Variants in PIWIL2 observed in about 807,000 individuals in gnomAD.
PIWIL2 encodes piwi-like protein 2.
PIWIL2 carries 81 observed loss-of-function variants against 116.5 expected under a neutral mutation model. The observed-to-expected ratio is 0.70, with a 90% CI of 0.58 to 0.84. The LOEUF is 0.84. PIWIL2 is among the 40% of genes least tolerant of loss of function. The pLI is 0.00. For missense variants in PIWIL2, 1,272 were observed against 1,212.3 expected, an observed-to-expected ratio of 1.05 and a Z score of -0.73; for synonymous variants, 489 against 429.5, an observed-to-expected ratio of 1.14 and a Z score of -1.71.
chr8:22,349,415 G>GTATATATATATATATATATATA (rs540224852), intron 20 of PIWIL2, among the ~76,000 whole-genome samples: 4 of 134,934 alleles, frequency 3.0e-5, no homozygotes, highest in African/African-American at 8.1e-5. Flanking sequence ...ATATATGTGT[G>GTATATATATATATATATATATA]TGTGTATATA....
intron 20 of PIWIL2, among the ~76,000 whole-genome samples, chr8:22,351,448 T>TATATAC (rs1367394387): frequency 2.0e-5 from 1 of 51,074 alleles, no homozygotes; most frequent in Non-Finnish European, 3.7e-5. Context: ...TACATATATA[T>TATATAC]ATATATATAT....
Position 22,279,366 on chromosome 8 carries a change from C to CGT in PIWIL2, c.-18_-17dup, listed in dbSNP as rs1563340550. The CGT allele has an allele frequency of 1.3e-6, 2 of 1,597,018 alleles. No individual in the cohort carries two copies. Among genetic ancestry groups the CGT allele is most frequent in the South Asian group, 2.2e-5 (2 of 90,740 alleles). On this transcript the variant is annotated 5_prime_UTR_variant, in exon 2 of 23. Transcript: ENST00000356766. The stretch of plus-strand genomic sequence containing the variant: ...GTAATTAACCAGAACAGGATCGACA[C>CGT]GTGTTCTCTACAGCCCGTCCATGGA...
chr8:22,296,323 G>A (rs984256289), intron 10 of PIWIL2, among the ~76,000 whole-genome samples: 6 of 152,004 alleles, frequency 3.9e-5, no homozygotes, highest in Non-Finnish European at 7.4e-5. Flanking sequence ...GGGATTACAG[G>A]CATGAGCCAC....
At chr8:22,280,520 T>G (rs1173808947) in intron 2 of PIWIL2, among the ~76,000 whole-genome samples, 2 of 152,248 alleles carry the variant, frequency 1.3e-5, no homozygotes, top group Non-Finnish European at 2.9e-5. Context: ...GTATTATTTT[T>G]ATAAGGAGAA....
intron 20 of PIWIL2, among the ~76,000 whole-genome samples, chr8:22,338,546 G>C (rs1832032987): frequency 6.6e-6 from 1 of 152,082 alleles, no homozygotes; most frequent in African/African-American, 2.4e-5. Context: ...CAAAAGAACA[G>C]CTGGGTGTGG....
In PIWIL2 at chr8:22,279,413, G is replaced by A; in HGVS notation, c.27G>A (p.Arg9=). ...TGGATCCTTTCCGACCATCGTTCAGGGGCCAGTCTCCTATCCACCCATCCC... is the reference window on the plus strand; with the variant it reads ...TGGATCCTTTCCGACCATCGTTCAGAGGCCAGTCTCCTATCCACCCATCCC... MDPFRPSF[R]GQSPIHPSQC... The change falls in exon 2 of 23, where the codon AGG becomes AGA. Residue 9 remains arginine (R), a synonymous_variant. Transcript: ENST00000356766. 6.2e-7 allele frequency: 1 copy of A among 1,614,132 alleles called. No homozygotes were observed. Among genetic ancestry groups the A allele is most frequent in the South Asian group, 1.1e-5 (1 of 91,082 alleles).
chr8:22,307,473 A>AATT (rs1563379262), intron 13 of PIWIL2, among the ~76,000 whole-genome samples: 2 of 111,258 alleles, frequency 1.8e-5, no homozygotes. Flanking sequence ...TTTATTATTC[A>AATT]TTTTTTTTTT....
Position 22,355,656 on chromosome 8 carries a change from T to A in PIWIL2, c.*151T>A. On this transcript the variant is annotated 3_prime_UTR_variant, in exon 23 of 23. Coordinates refer to ENST00000356766, the MANE Select transcript of PIWIL2 (RefSeq NM_018068.5). Reference sequence around the variant, plus strand: ...AGAATAAGATTTCTTTCTTGTCTTTTAAACCTAATATCACCAAGAAGCAAG... The same window carrying A: ...AGAATAAGATTTCTTTCTTGTCTTTAAAACCTAATATCACCAAGAAGCAAG... The A allele has an allele frequency of 1.4e-6, 1 of 702,500 alleles. No homozygotes were observed. Among genetic ancestry groups the A allele is most frequent in the Non-Finnish European group, 2.3e-6 (1 of 431,030 alleles). The allele number at this position is 702,500 out of a possible 1,614,324, so 43.5% of individuals were successfully genotyped here.
At chr8:22,304,906 T>G (rs1284262554) in intron 12 of PIWIL2, 38 bp downstream of exon 12, 7 of 1,349,742 alleles carry the variant, frequency 5.2e-6, no homozygotes, top group Non-Finnish European at 7.5e-6. Flanking sequence ...CCAGCTTAAG[T>G]TCTTCATCCT....
intron 1 of PIWIL2, among the ~76,000 whole-genome samples, chr8:22,276,221 T>TC (rs1830364733): frequency 6.6e-6 from 1 of 152,242 alleles, no homozygotes; most frequent in Non-Finnish European, 1.5e-5. Context: ...TCCTGAACTG[T>TC]CTGCACTTAC....
At chr8:22,279,145 A>G (rs545940943) in intron 1 of PIWIL2, among the ~76,000 whole-genome samples, 196 bp from the exon 2 acceptor site, 9 of 152,090 alleles carry the variant, frequency 5.9e-5, no homozygotes, top group African/African-American at 2.2e-4. Flanking sequence ...AAGGTTGGGG[A>G]CCACTGCTCT....
rs377177824 is a variant in PIWIL2, at chr8:22,288,632, C to T, written c.952C>T (p.Leu318=). The T allele has an allele frequency of 9.9e-6, 16 of 1,612,996 alleles. No individual in the cohort carries two copies. The highest frequency in any genetic ancestry group is 1.3e-5 in the Non-Finnish European group (15 of 1,179,342). The change falls in exon 8 of 23, where the codon CTG becomes TTG. Residue 318 remains leucine (L), a synonymous_variant. Transcript: ENST00000356766. The part of the protein sequence containing the change: ...MTKILEPCSD[L]CIPFYNVVFR... ...AAAGATCCTGGAGCCCTGCTCTGAC[C>T]TGTGCATTCCCTTCTACAATGTTGT...
intron 10 of PIWIL2, among the ~76,000 whole-genome samples, chr8:22,293,798 A>T (rs1247643162): frequency 6.6e-6 from 1 of 152,162 alleles, no homozygotes; most frequent in Non-Finnish European, 1.5e-5. Context: ...AGTTTGAGCT[A>T]TTGGTCCAAA....
Position 22,291,960 on chromosome 8 carries a change from C to T in PIWIL2, c.1181+1614C>T, listed in dbSNP as rs185623779. On this transcript the variant is annotated intron_variant, in intron 10 of 22. Transcript: ENST00000356766. ...CAATCAGAAGTAGTGGGGCAGGGGG[C>T]GGAGAATTGCAGTTTTAAGTGGAGT... is the stretch of plus-strand genomic sequence containing the variant. Among the ~76,000 whole-genome samples the T allele has an allele frequency of 3.7e-4, 56 of 151,934 alleles. No individual in the cohort carries two copies. The East Asian group carries it at 6.6e-3, about 18-fold the overall frequency.
intron 6 of PIWIL2, among the ~76,000 whole-genome samples, chr8:22,285,132 G>T (rs958390975): frequency 6.6e-6 from 1 of 152,156 alleles, no homozygotes; most frequent in Non-Finnish European, 1.5e-5. Flanking sequence ...AATACACGCT[G>T]TTGTTAACTA....
At chr8:22,335,993 A>G (rs1422343914) in intron 20 of PIWIL2, among the ~76,000 whole-genome samples, 2 of 152,222 alleles carry the variant, frequency 1.3e-5, no homozygotes, top group African/African-American at 4.8e-5. Flanking sequence ...AGACCCAAAA[A>G]CAGAGGAAAC....
chr8:22,355,310 G>A (rs1832464605), intron 22 of PIWIL2, 39 bp from the exon 23 acceptor site: 2 of 1,606,498 alleles, frequency 1.2e-6, no homozygotes, highest in Non-Finnish European at 8.5e-7. Flanking sequence ...AATTGAAGGT[G>A]GGGGATGATG....
chr8:22,336,776 A>G (rs903587866), intron 20 of PIWIL2, among the ~76,000 whole-genome samples: 9 of 152,160 alleles, frequency 5.9e-5, no homozygotes, highest in Non-Finnish European at 1.3e-4. Context: ...GCATAAATAA[A>G]TGAAATGGAG....
chr8:22,295,025 G>A (rs1830863473), intron 10 of PIWIL2, among the ~76,000 whole-genome samples: 1 of 151,892 alleles, frequency 6.6e-6, no homozygotes, highest in Non-Finnish European at 1.5e-5. Flanking sequence ...GTTGCAGTGA[G>A]CCGAGATCGT....
Sources: allele counts gnomAD v4.1 joint callset (sites outside exome capture counted in the v4.1 genomes callset), GRCh38; gene constraint gnomAD v4.1.1; transcripts MANE v1.5; gene names NCBI Gene and HGNC (gene_info 2026-07-23, HGNC 2026-07-21).